RIMKLA: variants seen among roughly 807,000 people sequenced by gnomAD.
The protein encoded by RIMKLA is ribosomal modification protein rimK like family member A, also known as N-acetylaspartylglutamate synthase A.
Under a neutral mutation model 32.7 loss-of-function variants are expected in RIMKLA, and 14 were observed. The ratio of observed to expected loss-of-function variants is 0.43; its 90% CI spans 0.28 to 0.67. The LOEUF (loss-of-function observed/expected upper bound fraction) is 0.67, where lower values mean the gene tolerates loss of function less well. RIMKLA is among the 30% of genes least tolerant of loss of function. The pLI, the probability that RIMKLA is intolerant of heterozygous loss-of-function variation, is 0.18. For synonymous variants in RIMKLA, 176 were observed against 204.1 expected (o/e 0.86, Z 1.18); for missense variants, 410 against 519.0 (o/e 0.79, Z 2.04).
Position 42,423,167 on chromosome 1 carries a change from C to T in RIMKLA, c.*8193C>T, listed in dbSNP as rs1433820619. The stretch of plus-strand genomic sequence containing the variant: ...CCCAGCTTCTGAGGGTCAGGGAGTC[C>T]AAATTGAGGTCAGAGCATCAAAGGG... On this transcript the variant is annotated 3_prime_UTR_variant, in exon 5 of 5. Transcript: ENST00000431473. Among the ~76,000 whole-genome samples the T allele has an allele frequency of 6.6e-6, 1 of 152,108 alleles. No homozygotes were observed. The highest frequency in any genetic ancestry group is 1.5e-5 in the Non-Finnish European group (1 of 68,018).
At chr1:42,384,519 G>A (rs1416398297) in intron 1 of RIMKLA, among the ~76,000 whole-genome samples, 3 of 147,902 alleles carry the variant, frequency 2.0e-5, no homozygotes, top group East Asian at 2.0e-4. Flanking sequence ...ATGTATATAT[G>A]TGTGTATATA....
chr1:42,423,862 TA>T lies in RIMKLA; in HGVS notation c.*8890del, dbSNP rs1187933577. On this transcript the variant is annotated 3_prime_UTR_variant, in exon 5 of 5. Transcript: ENST00000431473. ...CTCTCAAAAATGATCGCTCTTCCAC[TA>T]ACCTTAGGTCTACTGTACTCTTGGT... Among the ~76,000 whole-genome samples, 1 of 152,236 alleles carries T rather than the reference TA, an allele frequency of 6.6e-6. No individual in the cohort carries two copies. The highest frequency in any genetic ancestry group is 2.4e-5 in the African/African-American group (1 of 41,454).
chr1:42,411,669 T>A (rs971675704), intron 4 of RIMKLA, among the ~76,000 whole-genome samples: 2 of 150,116 alleles, frequency 1.3e-5, no homozygotes, highest in African/African-American at 4.9e-5. Context: ...TTTATTTATT[T>A]ATTTATTTAT....
intron 1 of RIMKLA, among the ~76,000 whole-genome samples, chr1:42,391,206 T>C (rs989431803): frequency 2.6e-5 from 4 of 152,014 alleles, no homozygotes; most frequent in Non-Finnish European, 4.4e-5. Context: ...GGTCAAGACA[T>C]TGAGAGTCCT....
chr1:42,392,315 C>A (rs1177158400), intron 1 of RIMKLA, among the ~76,000 whole-genome samples: 1 of 151,796 alleles, frequency 6.6e-6, no homozygotes, highest in Admixed American at 6.6e-5. Flanking sequence ...TCTCCTCTCC[C>A]TCCCCCTGCT....
At chr1:42,388,531 T>G (rs1642970471) in intron 1 of RIMKLA, among the ~76,000 whole-genome samples, 1 of 149,996 alleles carries the variant, frequency 6.7e-6, no homozygotes, top group South Asian at 2.1e-4. Flanking sequence ...TTTTTTTTTT[T>G]TTTTTTGAGA....
chr1:42,399,227 T>C (rs1336122966), intron 1 of RIMKLA, among the ~76,000 whole-genome samples, 177 bp from the exon 2 acceptor site: 1 of 152,166 alleles, frequency 6.6e-6, no homozygotes, highest in Non-Finnish European at 1.5e-5. Context: ...ATGCTCTGCC[T>C]GTTTGTTTGG....
rs185398322 is a variant in RIMKLA, at chr1:42,415,470, A to G, written c.*496A>G. ...CGATCTCTGCTCCCCATCAATCACC[A>G]TCTTGACCATATTTCTCCGACACTC... On this transcript the variant is annotated 3_prime_UTR_variant, in exon 5 of 5. Transcript: ENST00000431473. 21 of 154,048 alleles carry G rather than the reference A, an allele frequency of 1.4e-4. No individual in the cohort carries two copies. The highest frequency in any genetic ancestry group is 3.8e-4 in the Admixed American group (6 of 15,618). 9.5% of individuals were successfully genotyped at this position (154,048 alleles called of 1,614,324 possible). A position where few individuals can be genotyped will look rare whatever the true frequency, so the allele number is the denominator to read the frequency against.
chr1:42,392,933 A>G (rs1404938971), intron 1 of RIMKLA, among the ~76,000 whole-genome samples: 1 of 152,202 alleles, frequency 6.6e-6, no homozygotes, highest in Admixed American at 6.5e-5. Context: ...CAGGGGTTGC[A>G]GTGAGCCGAG....
chr1:42,396,040 G>C (rs1189400941), intron 1 of RIMKLA, among the ~76,000 whole-genome samples: 1 of 151,912 alleles, frequency 6.6e-6, no homozygotes, highest in Non-Finnish European at 1.5e-5. Context: ...CAAGAGACCA[G>C]CCTGGCCAAC....
At chr1:42,413,527 AAG>A (rs1299486576) in intron 4 of RIMKLA, among the ~76,000 whole-genome samples, 1 of 151,468 alleles carries the variant, frequency 6.6e-6, no homozygotes, top group African/African-American at 2.4e-5. Flanking sequence ...AAAAAAAAGA[AAG>A]AAAAAAGAAA....
At chr1:42,407,982 T>C (rs575035528) in intron 3 of RIMKLA, among the ~76,000 whole-genome samples, 14 of 152,272 alleles carry the variant, frequency 9.2e-5, no homozygotes, top group Admixed American at 6.5e-5. Flanking sequence ...ACCCAGTTCC[T>C]ATCTCTAGCC....
intron 1 of RIMKLA, among the ~76,000 whole-genome samples, chr1:42,386,641 C>T (rs539651864): frequency 3.1e-4 from 46 of 150,374 alleles, no homozygotes; most frequent in African/African-American, 1.1e-3. Context: ...TTTGGGAGGC[C>T]GAGGCAGGTG....
At chr1:42,386,880 CAAATAAATAAATAAAT>C (rs151298858) in intron 1 of RIMKLA, among the ~76,000 whole-genome samples, 1 of 121,118 alleles carries the variant, frequency 8.3e-6, no homozygotes, top group Non-Finnish European at 1.7e-5. Context: ...GACTCCATCT[CAAATAAATAAATAAAT>C]AAATAAATAA....
intron 1 of RIMKLA, among the ~76,000 whole-genome samples, chr1:42,390,036 CTTTT>C (rs35754511): frequency 5.4e-5 from 6 of 111,676 alleles, no homozygotes; most frequent in African/African-American, 1.3e-4. Flanking sequence ...TTTTCTTTTC[CTTTT>C]TTTTTTTTTT....
intron 4 of RIMKLA, among the ~76,000 whole-genome samples, chr1:42,413,026 T>G (rs1204789256): frequency 6.6e-6 from 1 of 151,748 alleles, no homozygotes; most frequent in African/African-American, 2.4e-5. Flanking sequence ...CCTAGCTACT[T>G]GGGAGGCTGA....
intron 4 of RIMKLA, among the ~76,000 whole-genome samples, chr1:42,413,674 A>G (rs12747191): frequency 0.59 from 88,443 of 151,150 alleles, 26,271 homozygotes; most frequent in Non-Finnish European, 0.63. Context: ...GCCTAGTTAT[A>G]GTCATATTGT....
chr1:42,411,604 G>C (rs1643197980), intron 4 of RIMKLA, among the ~76,000 whole-genome samples: 1 of 151,586 alleles, frequency 6.6e-6, no homozygotes, highest in African/African-American at 2.4e-5. Context: ...GGGATTATAG[G>C]TGTGTACCAC....
In RIMKLA at chr1:42,420,691, A is replaced by G. The variant is rs1170767402; in HGVS notation, c.*5717A>G. On this transcript the variant is annotated 3_prime_UTR_variant, in exon 5 of 5. Transcript: ENST00000431473. ...GATGCATTTTTAATTCCCACTGCACAAGCCAGGCATCACAATGACCATATT... is the reference window on the plus strand; with the variant it reads ...GATGCATTTTTAATTCCCACTGCACGAGCCAGGCATCACAATGACCATATT... 6.6e-6 allele frequency: 1 copy of G among 152,236 alleles called. No individual in the cohort carries two copies. Among genetic ancestry groups the G allele is most frequent in the African/African-American group, 2.4e-5 (1 of 41,458 alleles). 9.4% of individuals were successfully genotyped at this position (152,236 alleles called of 1,614,324 possible).
Sources: allele counts gnomAD v4.1 joint callset (sites outside exome capture counted in the v4.1 genomes callset), GRCh38; gene constraint gnomAD v4.1.1; transcripts MANE v1.5; gene names NCBI Gene and HGNC (gene_info 2026-07-23, HGNC 2026-07-21).